SUMF1: variants seen among roughly 807,000 people sequenced by gnomAD.
SUMF1 encodes the protein formylglycine-generating enzyme.
A neutral mutation model predicts 47.6 loss-of-function variants in SUMF1; 48 were observed. The observed-to-expected ratio is 1.01, with a 90% CI of 0.80 to 1.28. The LOEUF (loss-of-function observed/expected upper bound fraction) is 1.28, where lower values mean the gene tolerates loss of function less well. SUMF1 is among the 50% of genes most tolerant of loss of function. The pLI is 0.00. For synonymous variants in SUMF1, 230 were observed against 192.1 expected, an observed-to-expected ratio of 1.20 and a Z score of -1.63; for missense variants, 571 against 485.4, an observed-to-expected ratio of 1.18 and a Z score of -1.66.
intron 9 of SUMF1, among the ~76,000 whole-genome samples, chr3:4,053,022 T>G (rs914926720): frequency 7.9e-5 from 12 of 152,196 alleles, no homozygotes; most frequent in Non-Finnish European, 1.5e-5. Context: ...GCTCTAGCTT[T>G]TGGTCCATCT....
chr3:4,090,449 C>T (rs1264092715), intron 8 of SUMF1, among the ~76,000 whole-genome samples: 2 of 152,052 alleles, frequency 1.3e-5, no homozygotes, highest in Non-Finnish European at 2.9e-5. Flanking sequence ...AGGTCAGTTC[C>T]CACCTTGTAC....
chr3:4,346,720 CA>C lies in SUMF1; in HGVS notation c.1014+29609del, dbSNP rs144662987. On this transcript the variant is annotated intron_variant and NMD_transcript_variant, in intron 8 of 12. Coordinates refer to the SUMF1 transcript ENST00000448413. ...TGAGATAGAGACACAAAAAAACCCT[CA>C]AAAAAAATCACCAAATCCATGAGCT... 4.6e-5 allele frequency among the ~76,000 whole-genome samples: 7 copies of C among 151,078 alleles called. No individual in the cohort carries two copies. In the South Asian group the frequency reaches 1.3e-3, roughly 27 times the overall value.
Position 4,200,358 on chromosome 3 carries a change from T to A in SUMF1, c.1015-131613A>T, listed in dbSNP as rs373929442. ...CAGTGGGCAAAATCTGCCTTCAATG[T>A]GGGCAGGGCACTCCCCACTCTGCTG... On this transcript the variant is annotated intron_variant and NMD_transcript_variant, in intron 8 of 12. Coordinates refer to the SUMF1 transcript ENST00000448413. Among the ~76,000 whole-genome samples, 4 of 151,910 alleles carry A rather than the reference T, an allele frequency of 2.6e-5. No individual in the cohort carries two copies. In the East Asian group the frequency reaches 5.8e-4, roughly 22 times the overall value.
chr3:4,202,010 T>C (rs2125152937), intron 8 of SUMF1, among the ~76,000 whole-genome samples: 1 of 152,166 alleles, frequency 6.6e-6, no homozygotes, highest in East Asian at 1.9e-4. Flanking sequence ...TATTAATTGC[T>C]TGTCAGATGG....
At chr3:4,390,352 T>C (rs1420798147) in intron 7 of SUMF1, among the ~76,000 whole-genome samples, 2 of 152,170 alleles carry the variant, frequency 1.3e-5, no homozygotes, top group African/African-American at 4.8e-5. Flanking sequence ...TACAGCTGCA[T>C]GAGGGTACAA....
intron 8 of SUMF1, among the ~76,000 whole-genome samples, chr3:4,244,549 A>C (rs979394192): frequency 6.6e-6 from 1 of 152,198 alleles, no homozygotes; most frequent in African/African-American, 2.4e-5. Flanking sequence ...TTCTGGGTTG[A>C]AAATTCTTTT....
chr3:4,113,703 TAAC>T (rs956319513), intron 8 of SUMF1, among the ~76,000 whole-genome samples: 1 of 151,992 alleles, frequency 6.6e-6, no homozygotes, highest in African/African-American at 2.4e-5. Context: ...ATGCCACTCT[TAAC>T]AACAGGAAAA....
intron 8 of SUMF1, among the ~76,000 whole-genome samples, chr3:4,125,554 G>A (rs1693637190): frequency 6.6e-6 from 1 of 152,178 alleles, no homozygotes; most frequent in Admixed American, 6.5e-5. Context: ...TTATGAGAAT[G>A]TCATGAGAAA....
chr3:4,200,025 T>C (rs1695508454), intron 8 of SUMF1, among the ~76,000 whole-genome samples: 1 of 152,124 alleles, frequency 6.6e-6, no homozygotes, highest in African/African-American at 2.4e-5. Flanking sequence ...GGTCACAACA[T>C]AAAGGTTCAT....
intron 8 of SUMF1, among the ~76,000 whole-genome samples, chr3:4,216,175 A>G (rs931697805): frequency 6.6e-5 from 10 of 152,220 alleles, no homozygotes; most frequent in Non-Finnish European, 1.5e-4. Context: ...ACAGCATGGT[A>G]CTGGTATCAA....
chr3:4,168,146 T>A (rs1694753617), intron 8 of SUMF1, among the ~76,000 whole-genome samples: 1 of 152,156 alleles, frequency 6.6e-6, no homozygotes, highest in Non-Finnish European at 1.5e-5. Context: ...GAACTAGATA[T>A]TTGTTAATAG....
At chr3:4,236,018 C>T (rs1169882449) in intron 8 of SUMF1, among the ~76,000 whole-genome samples, 2 of 152,066 alleles carry the variant, frequency 1.3e-5, no homozygotes, top group Non-Finnish European at 2.9e-5. Flanking sequence ...TTTTGGCTCA[C>T]CATAACCTCT....
intron 8 of SUMF1, among the ~76,000 whole-genome samples, chr3:4,368,044 C>T (rs141527028): frequency 0.12 from 18,642 of 151,900 alleles, 1,284 homozygotes; most frequent in Middle Eastern, 0.16. Flanking sequence ...TCAGAGTGAA[C>T]AGGCAACCTA....
chr3:4,170,252 C>A (rs533894681), intron 8 of SUMF1, among the ~76,000 whole-genome samples: 5 of 152,160 alleles, frequency 3.3e-5, no homozygotes, highest in Admixed American at 3.3e-4. Flanking sequence ...TTGACTGAAC[C>A]CTAGAGTGGG....
intron 8 of SUMF1, among the ~76,000 whole-genome samples, chr3:4,146,168 C>T (rs1040684215): frequency 1.3e-5 from 2 of 151,966 alleles, no homozygotes; most frequent in Non-Finnish European, 2.9e-5. Context: ...CACGTGTGTT[C>T]TGGGAGGATT....
chr3:4,112,973 G>A (rs1693343795), intron 8 of SUMF1, among the ~76,000 whole-genome samples: 5 of 152,152 alleles, frequency 3.3e-5, no homozygotes, highest in Admixed American at 3.3e-4. Flanking sequence ...TATGTGGCAG[G>A]ATGAGGTGTT....
chr3:4,039,209 A>ATTTTTTTTTTTTTTTTTTT (rs775459424), intron 9 of SUMF1, among the ~76,000 whole-genome samples: 1 of 39,470 alleles, frequency 2.5e-5, no homozygotes, highest in African/African-American at 7.5e-5. Flanking sequence ...ATCTATGCAA[A>ATTTTTTTTTTTTTTTTTTT]TTTTTTTTTT....
chr3:4,432,547 A>G (rs999650955), intron 3 of SUMF1, among the ~76,000 whole-genome samples: 2 of 151,986 alleles, frequency 1.3e-5, no homozygotes, highest in Admixed American at 6.6e-5. Context: ...TTGTTCCTCA[A>G]TCCCTCCCTA....
intron 8 of SUMF1, among the ~76,000 whole-genome samples, chr3:4,097,512 C>T (rs919882315): frequency 2.6e-5 from 4 of 152,038 alleles, no homozygotes; most frequent in Non-Finnish European, 5.9e-5. Flanking sequence ...AAGATCACAC[C>T]ACTGCACTCC....
Sources: gnomAD v4.1 joint callset for allele counts (sites outside exome capture counted in the v4.1 genomes callset) on GRCh38, gnomAD v4.1.1 for gene constraint, MANE v1.5 for transcripts, NCBI Gene and HGNC (gene_info 2026-07-23, HGNC 2026-07-21) for gene names.